The following PTK2B variants were observed in gnomAD, a reference collection of about 807,000 sequenced individuals.
PTK2B encodes the protein protein tyrosine kinase 2 beta, also known as protein-tyrosine kinase 2-beta.
A neutral mutation model predicts 142.9 loss-of-function variants in PTK2B; 71 were observed. The ratio of observed to expected loss-of-function variants is 0.50; its 90% CI spans 0.41 to 0.61. The LOEUF is 0.61. Among genes scored for constraint, PTK2B ranks in the 20% least tolerant of loss-of-function variants. The probability of loss-of-function intolerance (pLI) is 0.00; values close to 1 mark genes in which losing one functional copy is unlikely to be tolerated. For missense variants in PTK2B, 1,105 were observed against 1,320.4 expected (o/e 0.84, Z 2.53); for synonymous variants, 519 against 503.4 (o/e 1.03, Z -0.42).
At chr8:27,420,262 G>C (rs1809662083) in intron 3 of PTK2B, among the ~76,000 whole-genome samples, 189 bp downstream of exon 3, 1 of 152,090 alleles carries the variant, frequency 6.6e-6, no homozygotes. Context: ...GGGCTTCATA[G>C]ACTATCCCCA....
At chr8:27,379,957 G>T (rs1262253739) in intron 1 of PTK2B, among the ~76,000 whole-genome samples, 1 of 152,114 alleles carries the variant, frequency 6.6e-6, no homozygotes, top group Non-Finnish European at 1.5e-5. Flanking sequence ...GCCCAGGGTG[G>T]TTTCGAACTC....
intron 1 of PTK2B, among the ~76,000 whole-genome samples, chr8:27,366,888 A>G (rs1189359705): frequency 6.6e-6 from 1 of 152,060 alleles, no homozygotes; most frequent in East Asian, 1.9e-4. Context: ...GAGGAGCTGC[A>G]GCCTCAGACA....
intron 1 of PTK2B, among the ~76,000 whole-genome samples, chr8:27,333,730 C>A (rs1013465880): frequency 1.3e-5 from 2 of 152,066 alleles, no homozygotes; most frequent in Non-Finnish European, 2.9e-5. Context: ...AAATGCCAAG[C>A]CTGTCTCAAC....
chr8:27,339,128 C>T (rs186233886), intron 1 of PTK2B, among the ~76,000 whole-genome samples: 6 of 152,346 alleles, frequency 3.9e-5, no homozygotes, highest in Non-Finnish European at 8.8e-5. Flanking sequence ...TGGGAAGAAA[C>T]TAAGGCTGCG....
In PTK2B at chr8:27,312,185, C is replaced by G. The variant is rs111643294; in HGVS notation, c.-580-119C>G. 3 of 152,330 alleles carry G rather than the reference C, an allele frequency of 2.0e-5. No homozygotes were observed. In the East Asian group the frequency reaches 5.8e-4, roughly 29 times the overall value. 9.4% of individuals were successfully genotyped at this position (152,330 alleles called of 1,614,324 possible). On this transcript the variant is annotated intron_variant, in intron 1 of 35. Coordinates refer to the PTK2B transcript ENST00000397501. ...CTTTACAGCCTCCAGATGCAGAATACTTTTCACACGATGCACTTTCATTCC... is the reference window on the plus strand; with the variant it reads ...CTTTACAGCCTCCAGATGCAGAATAGTTTTCACACGATGCACTTTCATTCC...
chr8:27,394,839 T>G (rs1467791785), intron 1 of PTK2B, among the ~76,000 whole-genome samples: 2 of 152,206 alleles, frequency 1.3e-5, no homozygotes, highest in East Asian at 3.9e-4. Context: ...TTTTTTATTT[T>G]TTTTACTTTT....
chr8:27,361,414 G>A (rs1334289290), intron 1 of PTK2B, among the ~76,000 whole-genome samples: 3 of 151,994 alleles, frequency 2.0e-5, no homozygotes, highest in Non-Finnish European at 4.4e-5. Context: ...GTACAGATGG[G>A]GGTCTCACTT....
At chr8:27,360,016 T>A (rs556512641) in intron 1 of PTK2B, among the ~76,000 whole-genome samples, 87 of 152,370 alleles carry the variant, frequency 5.7e-4, no homozygotes, top group African/African-American at 2.0e-3. Flanking sequence ...CGGATATTTC[T>A]GACACCTGAG....
intron 1 of PTK2B, among the ~76,000 whole-genome samples, chr8:27,355,892 AG>A (rs2130647632): frequency 6.6e-6 from 1 of 152,162 alleles, no homozygotes; most frequent in Non-Finnish European, 1.5e-5. Flanking sequence ...GCATGGTGGC[AG>A]GCACCTGTAA....
chr8:27,391,883 G>A (rs1807747702), intron 1 of PTK2B, among the ~76,000 whole-genome samples: 1 of 152,306 alleles, frequency 6.6e-6, no homozygotes, highest in South Asian at 2.1e-4. Context: ...AGATTTGGGG[G>A]CCAGGAGGCA....
At chr8:27,328,947 T>G (rs1430901427) in intron 1 of PTK2B, among the ~76,000 whole-genome samples, 1 of 151,684 alleles carries the variant, frequency 6.6e-6, no homozygotes, top group Non-Finnish European at 1.5e-5. Context: ...GCAACCTTTT[T>G]TTTTTTTTGA....
At chr8:27,364,069 CT>C (rs1805876111) in intron 1 of PTK2B, among the ~76,000 whole-genome samples, 1 of 152,212 alleles carries the variant, frequency 6.6e-6, no homozygotes, top group African/African-American at 2.4e-5. Flanking sequence ...CACAACAGCG[CT>C]GAAACAGCTG....
chr8:27,351,593 A>G (rs987759592), intron 1 of PTK2B, among the ~76,000 whole-genome samples: 6 of 152,142 alleles, frequency 3.9e-5, no homozygotes, highest in Admixed American at 1.3e-4. Flanking sequence ...CCTTTACCAA[A>G]AAAAATAAAT....
At chr8:27,454,421 C>T (rs1300689628) in intron 29 of PTK2B, 110 bp from the exon 30 acceptor site, 12 of 1,549,620 alleles carry the variant, frequency 7.7e-6, no homozygotes, top group Non-Finnish European at 1.1e-5. Context: ...AATTGAGTCC[C>T]AGGCCACTCG....
upstream of PTK2B, among the ~76,000 whole-genome samples, chr8:27,320,871 C>T (rs944908840): frequency 4.6e-5 from 7 of 150,924 alleles, no homozygotes; most frequent in African/African-American, 1.5e-4. Flanking sequence ...GCTGAAAGTT[C>T]AGCCTTCTCA....
intron 1 of PTK2B, among the ~76,000 whole-genome samples, chr8:27,368,578 C>G (rs1161539564): frequency 2.0e-5 from 3 of 152,266 alleles, no homozygotes; most frequent in African/African-American, 7.2e-5. Flanking sequence ...TGATTAACTT[C>G]ACCTGGTGTG....
chr8:27,346,611 A>T (rs1167058351), intron 1 of PTK2B, among the ~76,000 whole-genome samples: 1 of 152,258 alleles, frequency 6.6e-6, no homozygotes, highest in African/African-American at 2.4e-5. Flanking sequence ...AGTGACGAGC[A>T]GTCTCCTTTC....
chr8:27,323,073 T>G (rs1231607041), upstream of PTK2B, among the ~76,000 whole-genome samples: 1 of 152,244 alleles, frequency 6.6e-6, no homozygotes, highest in Non-Finnish European at 1.5e-5. Flanking sequence ...CAACCACCTT[T>G]GTGATCTCCA....
intron 1 of PTK2B, among the ~76,000 whole-genome samples, chr8:27,331,760 T>C (rs950496981): frequency 6.6e-6 from 1 of 152,178 alleles, no homozygotes. Flanking sequence ...GTGCTGGGAT[T>C]ACTGGTGTGA....
Sources: gnomAD v4.1 joint callset for allele counts (sites outside exome capture counted in the v4.1 genomes callset) on GRCh38, gnomAD v4.1.1 for gene constraint, MANE v1.5 for transcripts, NCBI Gene and HGNC (gene_info 2026-07-23, HGNC 2026-07-21) for gene names.